Variants in NXPE2 observed in about 807,000 individuals in gnomAD.
The protein encoded by NXPE2 is NXPE family member 2.
Under a neutral mutation model 34.4 loss-of-function variants are expected in NXPE2, and 34 were observed. The ratio of observed to expected loss-of-function variants is 0.99; its 90% CI spans 0.75 to 1.31. NXPE2 has a LOEUF of 1.31. Among genes scored for constraint, NXPE2 ranks in the 40% most tolerant of loss-of-function variants. NXPE2 has a pLI of 0.00. For missense variants in NXPE2, 649 were observed against 672.5 expected, an observed-to-expected ratio of 0.97 and a Z score of 0.39; for synonymous variants, 235 against 231.3, an observed-to-expected ratio of 1.02 and a Z score of -0.15.
chr11:114,756,313 C>G, the NXPE2 span, among the ~76,000 whole-genome samples: 1 of 152,064 alleles, frequency 6.6e-6, no homozygotes, highest in African/African-American at 2.4e-5. Flanking sequence ...TTGATTAGCT[C>G]TATGATACAT....
In NXPE2 at chr11:114,705,874, G is replaced by A. The variant is rs1011418268; in HGVS notation, c.1022G>A (p.Cys341Tyr). 1.3e-6 allele frequency: 2 copies of A among 1,543,462 alleles called. No individual in the cohort carries two copies. Among genetic ancestry groups the A allele is most frequent in the African/African-American group, 1.4e-5 (1 of 72,712 alleles). The change falls in exon 5 of 6, where the codon TGT becomes TAT. Residue 341 changes from cysteine (C) to tyrosine (Y), a missense_variant. Physicochemically the swap from Cys to Tyr is radical, Grantham distance 194. Coordinates refer to ENST00000389586, the MANE Select transcript of NXPE2 (RefSeq NM_182495.6). ...TLKKMWITAF[C>Y]KQIKFNETKN... ...AAAAAAATGTGGATTACAGCATTTT[G>A]TAAACAGATCAAGTTCAATGAAACA...
the NXPE2 span, chr11:114,553,883 T>C: frequency 1.0e-6 from 1 of 974,312 alleles, no homozygotes; most frequent in East Asian, 1.1e-4. Flanking sequence ...GATGGGTACA[T>C]TTAGATCGTG....
the NXPE2 span, among the ~76,000 whole-genome samples, chr11:114,576,992 C>CGT: frequency 1.2e-4 from 11 of 88,980 alleles, no homozygotes; most frequent in Non-Finnish European, 1.8e-4. Flanking sequence ...TATATATATA[C>CGT]ATATATATAT....
Position 114,706,988 on chromosome 11 carries a change from G to A in NXPE2, c.*58G>A, listed in dbSNP as rs185445532. Reference sequence around the variant, plus strand: ...CTATAGATGATCTCACATATACAGCGAAGATAGTTTAATGCAATCCAAGTT... The same window carrying A: ...CTATAGATGATCTCACATATACAGCAAAGATAGTTTAATGCAATCCAAGTT... On this transcript the variant is annotated 3_prime_UTR_variant, in exon 6 of 6. Transcript: ENST00000389586. 176 of 1,345,458 alleles carry A rather than the reference G, an allele frequency of 1.3e-4. No individual in the cohort carries two copies. Among genetic ancestry groups the A allele is most frequent in the African/African-American group, 1.1e-3 (76 of 67,940 alleles). 83.3% of individuals were successfully genotyped at this position (1,345,458 alleles called of 1,614,324 possible). A position where few individuals can be genotyped will look rare whatever the true frequency, so the allele number is the denominator to read the frequency against.
At chr11:114,538,612 G>A in the NXPE2 span, among the ~76,000 whole-genome samples, 1 of 152,186 alleles carries the variant, frequency 6.6e-6, no homozygotes, top group Non-Finnish European at 1.5e-5. Flanking sequence ...ATTAAAAAGT[G>A]GGCGAAGGAT....
the NXPE2 span, among the ~76,000 whole-genome samples, chr11:114,809,061 C>T: frequency 1.3e-5 from 2 of 151,962 alleles, no homozygotes; most frequent in East Asian, 1.9e-4. Flanking sequence ...ATAAATGTAA[C>T]CCAGAATATA....
chr11:114,545,026 A>G, the NXPE2 span, among the ~76,000 whole-genome samples: 4 of 152,192 alleles, frequency 2.6e-5, no homozygotes, highest in Non-Finnish European at 5.9e-5. Context: ...ATACATATCA[A>G]TTAGAATGGC....
At chr11:114,620,458 T>C in the NXPE2 span, among the ~76,000 whole-genome samples, 1 of 152,206 alleles carries the variant, frequency 6.6e-6, no homozygotes, top group East Asian at 1.9e-4. Flanking sequence ...GTATTAATTG[T>C]TGCCTCTAGG....
At chr11:114,801,954 G>A in the NXPE2 span, among the ~76,000 whole-genome samples, 1 of 152,096 alleles carries the variant, frequency 6.6e-6, no homozygotes, top group Non-Finnish European at 1.5e-5. Flanking sequence ...CAGATCTATG[G>A]GTGTAGAGGT....
chr11:114,646,182 C>T, the NXPE2 span, among the ~76,000 whole-genome samples: 1 of 152,066 alleles, frequency 6.6e-6, no homozygotes, highest in East Asian at 1.9e-4. Context: ...CTTAAACTAA[C>T]TATGTCTAAA....
chr11:114,622,790 G>A, the NXPE2 span, among the ~76,000 whole-genome samples: 1 of 152,114 alleles, frequency 6.6e-6, no homozygotes, highest in Non-Finnish European at 1.5e-5. Flanking sequence ...GCTGCCTTGT[G>A]GATAATTAGT....
chr11:114,485,660 C>T, the NXPE2 span, among the ~76,000 whole-genome samples: 3 of 152,062 alleles, frequency 2.0e-5, no homozygotes, highest in Non-Finnish European at 4.4e-5. Flanking sequence ...AACACACTAC[C>T]CTTCCCAGTG....
At chr11:114,523,886 T>G in the NXPE2 span, among the ~76,000 whole-genome samples, 1 of 152,204 alleles carries the variant, frequency 6.6e-6, no homozygotes, top group Non-Finnish European at 1.5e-5. Flanking sequence ...ACGTTCTGTA[T>G]GAGATAGGAA....
intron 2 of NXPE2, among the ~76,000 whole-genome samples, chr11:114,683,429 T>TG (rs1013002408): frequency 5.9e-5 from 9 of 151,480 alleles, no homozygotes; most frequent in Non-Finnish European, 1.3e-4. Context: ...GTCAAAGTTT[T>TG]TTTTTTTTTT....
chr11:114,765,488 T>C, the NXPE2 span, among the ~76,000 whole-genome samples: 1 of 152,202 alleles, frequency 6.6e-6, no homozygotes, highest in Non-Finnish European at 1.5e-5. Flanking sequence ...CAGTATGGTA[T>C]AAACATAACT....
At chr11:114,595,324 C>A in the NXPE2 span, among the ~76,000 whole-genome samples, 1 of 152,062 alleles carries the variant, frequency 6.6e-6, no homozygotes, top group Non-Finnish European at 1.5e-5. Context: ...AAATTTCAGG[C>A]TTTATCAGTA....
downstream of NXPE2, chr11:114,707,428 T>C: frequency 2.3e-6 from 1 of 425,936 alleles, no homozygotes; most frequent in African/African-American, 2.1e-5. Context: ...ACAGTCTCAC[T>C]CTGTCACCAA....
chr11:114,703,396 G>A (rs184736223), intron 3 of NXPE2, among the ~76,000 whole-genome samples: 54 of 152,334 alleles, frequency 3.5e-4, no homozygotes, highest in African/African-American at 1.2e-3. Context: ...CATTGGCTTT[G>A]GGTTAGCCCA....
At chr11:114,538,083 G>A in the NXPE2 span, among the ~76,000 whole-genome samples, 7 of 151,738 alleles carry the variant, frequency 4.6e-5, no homozygotes, top group South Asian at 2.1e-4. Context: ...AAACAGAGAT[G>A]TAGACCAATG....
Sources: gnomAD v4.1 joint callset for allele counts (sites outside exome capture counted in the v4.1 genomes callset) on GRCh38, gnomAD v4.1.1 for gene constraint, MANE v1.5 for transcripts, NCBI Gene and HGNC (gene_info 2026-07-23, HGNC 2026-07-21) for gene names.